Variants in TMCO5A observed in about 807,000 individuals in gnomAD.
TMCO5A encodes the protein transmembrane and coiled-coil domain-containing protein 5A.
A neutral mutation model predicts 42.3 loss-of-function variants in TMCO5A; 34 were observed. That is an observed-to-expected ratio of 0.80 (90% confidence interval 0.61 to 1.07). The LOEUF is 1.07. TMCO5A is among the 50% of genes least tolerant of loss of function. TMCO5A has a pLI of 0.00. For synonymous variants in TMCO5A, 131 were observed against 115.6 expected, an observed-to-expected ratio of 1.13 and a Z score of -0.86; for missense variants, 357 against 327.9, an observed-to-expected ratio of 1.09 and a Z score of -0.69.
downstream of TMCO5A, among the ~76,000 whole-genome samples, chr15:37,970,043 A>G (rs116363877): frequency 0.015 from 2,355 of 152,312 alleles, 53 homozygotes; most frequent in African/African-American, 0.053. Flanking sequence ...ACACCCAATC[A>G]TGGGACTGCT....
At chr15:37,948,266 A>G (rs566783901) in intron 11 of TMCO5A, among the ~76,000 whole-genome samples, 22 of 152,228 alleles carry the variant, frequency 1.4e-4, no homozygotes, top group African/African-American at 5.3e-4. Context: ...TAAAATTGGT[A>G]TTCACGAAGC....
At chr15:37,979,801 C>T in the TMCO5A span, among the ~76,000 whole-genome samples, 7 of 152,020 alleles carry the variant, frequency 4.6e-5, no homozygotes, top group African/African-American at 1.7e-4. Context: ...CATCGCAGGG[C>T]AGAGCTGCTA....
At chr15:38,000,954 TA>T in the TMCO5A span, among the ~76,000 whole-genome samples, 1 of 152,072 alleles carries the variant, frequency 6.6e-6, no homozygotes, top group Non-Finnish European at 1.5e-5. Flanking sequence ...ATATGCTGAG[TA>T]AAAGAATGTG....
At chr15:37,963,552 T>G (rs983023461) in intron 11 of TMCO5A, among the ~76,000 whole-genome samples, 8 of 152,168 alleles carry the variant, frequency 5.3e-5, no homozygotes, top group Non-Finnish European at 1.0e-4. Flanking sequence ...ATGTTCTGTA[T>G]GTATCTGTTA....
At chr15:37,993,935 C>G in the TMCO5A span, among the ~76,000 whole-genome samples, 32,601 of 152,150 alleles carry the variant, frequency 0.21, 7,622 homozygotes, top group African/African-American at 0.59. Flanking sequence ...AGCCTTCAAA[C>G]AGATTCTAGA....
chr15:37,945,330 T>A (rs1322109194), intron 10 of TMCO5A, among the ~76,000 whole-genome samples: 2 of 152,128 alleles, frequency 1.3e-5, no homozygotes, highest in Non-Finnish European at 2.9e-5. Context: ...AGTGCTGCAA[T>A]GATATTTGTG....
the TMCO5A span, among the ~76,000 whole-genome samples, chr15:37,973,129 G>A: frequency 0.24 from 35,998 of 150,438 alleles, 9,876 homozygotes; most frequent in African/African-American, 0.68. Flanking sequence ...TGTTCCATCA[G>A]TCTATGTGTT....
At chr15:38,039,548 T>G in the TMCO5A span, among the ~76,000 whole-genome samples, 1 of 152,082 alleles carries the variant, frequency 6.6e-6, no homozygotes, top group South Asian at 2.1e-4. Context: ...GCAGACAGAG[T>G]GGAACTCTGT....
At chr15:37,994,515 A>T in the TMCO5A span, 2 of 152,214 alleles carry the variant, frequency 1.3e-5, no homozygotes, top group Non-Finnish European at 2.9e-5. Flanking sequence ...TAAATATACG[A>T]CTTGATAGTC....
the TMCO5A span, among the ~76,000 whole-genome samples, chr15:37,983,535 T>G: frequency 1.3e-5 from 2 of 152,098 alleles, no homozygotes; most frequent in Admixed American, 6.5e-5. Flanking sequence ...ACCCCAACCT[T>G]GACTACATTT....
intron 11 of TMCO5A, among the ~76,000 whole-genome samples, chr15:37,962,796 G>A (rs1473820925): frequency 1.3e-5 from 2 of 151,848 alleles, no homozygotes; most frequent in Admixed American, 6.6e-5. Flanking sequence ...GGAATTTATC[G>A]GTCTCTTCTA....
the TMCO5A span, among the ~76,000 whole-genome samples, chr15:38,032,349 G>C: frequency 6.6e-6 from 1 of 152,084 alleles, no homozygotes; most frequent in Non-Finnish European, 1.5e-5. Context: ...CTACTTTAAG[G>C]ACAGCAGGCA....
the TMCO5A span, among the ~76,000 whole-genome samples, chr15:37,995,214 A>G: frequency 6.6e-6 from 1 of 152,136 alleles, no homozygotes; most frequent in Non-Finnish European, 1.5e-5. Context: ...GCTACAAAGG[A>G]AAGACCACTA....
chr15:37,945,330 T>C (rs1322109194), intron 10 of TMCO5A, among the ~76,000 whole-genome samples: 1 of 152,128 alleles, frequency 6.6e-6, no homozygotes, highest in Non-Finnish European at 1.5e-5. Context: ...AGTGCTGCAA[T>C]GATATTTGTG....
At chr15:37,972,784 A>G in the TMCO5A span, among the ~76,000 whole-genome samples, 1 of 152,192 alleles carries the variant, frequency 6.6e-6, no homozygotes, top group African/African-American at 2.4e-5. Context: ...CAGTTTAATC[A>G]GATTCCATCT....
At position 37,945,754 on chromosome 15, in the gene TMCO5A, T is replaced by G. The variant is rs550104438; in HGVS notation, c.628-1902T>G. Among the ~76,000 whole-genome samples the G allele has an allele frequency of 9.3e-4, 141 of 152,320 alleles. 1 individual carries two copies. Among genetic ancestry groups the G allele is most frequent in the African/African-American group, 3.3e-3 (136 of 41,594 alleles). ...CTTGTAAATTTGTTTAAGTTCCTTG[T>G]AGACTCTGGGTATTAGACATTTGTC... On this transcript the variant is annotated intron_variant, in intron 10 of 11. Transcript: ENST00000319669.
the TMCO5A span, among the ~76,000 whole-genome samples, chr15:37,978,395 C>T: frequency 6.6e-6 from 1 of 152,340 alleles, no homozygotes; most frequent in South Asian, 2.1e-4. Flanking sequence ...GAGCTACTAC[C>T]AGTGGGAATG....
At chr15:37,943,264 T>C in intron 9 of TMCO5A, 77 bp from the exon 10 acceptor site, 1 of 1,413,000 alleles carries the variant, frequency 7.1e-7, no homozygotes, top group East Asian at 2.3e-5. Context: ...TATAAAGCTT[T>C]TTTAAAATAA....
intron 11 of TMCO5A, 60 bp downstream of exon 11, chr15:37,947,756 G>A (rs1595596849): frequency 2.4e-5 from 28 of 1,172,870 alleles, no homozygotes; most frequent in South Asian, 1.3e-4. Flanking sequence ...TTAGCTATTC[G>A]GGCAGAGGGA....
Sources: gnomAD v4.1 joint callset for allele counts (sites outside exome capture counted in the v4.1 genomes callset) on GRCh38, gnomAD v4.1.1 for gene constraint, MANE v1.5 for transcripts, NCBI Gene and HGNC (gene_info 2026-07-23, HGNC 2026-07-21) for gene names.